The following PCDHA7 variants were observed in gnomAD, a reference collection of about 807,000 sequenced individuals.
PCDHA7 encodes protocadherin alpha-7.
In PCDHA7, 37 loss-of-function variants were observed where a neutral mutation model predicts 57.2. The observed-to-expected ratio is 0.65, with a 90% CI of 0.50 to 0.85. The LOEUF (loss-of-function observed/expected upper bound fraction) is 0.85, where lower values mean the gene tolerates loss of function less well. Among genes scored for constraint, PCDHA7 ranks in the 40% least tolerant of loss-of-function variants. PCDHA7 has a pLI of 0.00. For synonymous variants in PCDHA7, 553 were observed against 558.8 expected (o/e 0.99, Z 0.15); for missense variants, 1,188 against 1,241.8 (o/e 0.96, Z 0.65).
intron 1 of PCDHA7, chr5:140,884,171 C>T (rs781800470): frequency 6.2e-7 from 1 of 1,613,414 alleles, no homozygotes; most frequent in Admixed American, 1.7e-5. Context: ...CAGCACGACG[C>T]GCCCTCTGGA....
chr5:140,985,930 G>A (rs577670490), intron 3 of PCDHA7, among the ~76,000 whole-genome samples: 1 of 151,914 alleles, frequency 6.6e-6, no homozygotes, highest in East Asian at 1.9e-4. Flanking sequence ...TAGTAGAGCC[G>A]GGGTTTCACT....
At chr5:140,938,469 T>C (rs1172900934) in intron 1 of PCDHA7, among the ~76,000 whole-genome samples, 1 of 152,218 alleles carries the variant, frequency 6.6e-6, no homozygotes, top group South Asian at 2.1e-4. Flanking sequence ...TAATTTATTA[T>C]GTTTTTTAAA....
In PCDHA7 at chr5:140,836,758, G is replaced by A. The variant is rs2150269396; in HGVS notation, c.2355+20G>A. The stretch of plus-strand genomic sequence containing the variant: ...GACAATGTGAGTCATAAATAATCTT[G>A]TTTCCAACAATTTTAAAACAATTAG... On this transcript the variant is annotated intron_variant, in intron 1 of 3. Transcript: ENST00000525929. The A allele has an allele frequency of 1.9e-6, 3 of 1,572,392 alleles. No individual in the cohort carries two copies. Among genetic ancestry groups the A allele is most frequent in the African/African-American group, 2.7e-5 (2 of 73,010 alleles).
intron 1 of PCDHA7, chr5:140,928,696 C>G: frequency 6.2e-7 from 1 of 1,614,146 alleles, no homozygotes. Flanking sequence ...CCACATCTCC[C>G]GGGCGTCTGA....
At chr5:140,875,457 G>T in intron 1 of PCDHA7, 3 of 1,595,968 alleles carry the variant, frequency 1.9e-6, no homozygotes, top group Non-Finnish European at 2.6e-6. Flanking sequence ...CAACTCAGAG[G>T]CCCTCATTTT....
chr5:140,937,343 A>G (rs1412775724), intron 1 of PCDHA7, among the ~76,000 whole-genome samples: 1 of 151,948 alleles, frequency 6.6e-6, no homozygotes, highest in Non-Finnish European at 1.5e-5. Context: ...GGCTTCTTCC[A>G]TTTATTTTAT....
chr5:140,917,585 T>C (rs1204000344), intron 1 of PCDHA7, among the ~76,000 whole-genome samples: 1 of 152,244 alleles, frequency 6.6e-6, no homozygotes, highest in Non-Finnish European at 1.5e-5. Context: ...TTTTTGTTCA[T>C]GCTGAAAGGA....
In PCDHA7 at chr5:140,985,515, T is replaced by G. The variant is rs529024123; in HGVS notation, c.2503+2952T>G. The stretch of plus-strand genomic sequence containing the variant: ...AGAGCCTGCCTTTCATTGATTCTGT[T>G]GCCCTTAAAGCTTCACGGTGAAGAT... On this transcript the variant is annotated intron_variant, in intron 3 of 3. Transcript: ENST00000525929. Among the ~76,000 whole-genome samples, 8 of 152,284 alleles carry G rather than the reference T, an allele frequency of 5.3e-5. No individual in the cohort carries two copies. In the South Asian group the frequency reaches 1.7e-3, roughly 32 times the overall value.
At chr5:140,969,260 C>G (rs782595245) in intron 1 of PCDHA7, 1 of 1,614,228 alleles carries the variant, frequency 6.2e-7, no homozygotes, top group South Asian at 1.1e-5. Context: ...CAGCAGGAAT[C>G]TCACAGGCCA....
In PCDHA7 at chr5:140,834,827, T is replaced by C. The variant is rs1773317793; in HGVS notation, c.444T>C (p.Leu148=). The C allele has an allele frequency of 6.2e-7, 1 of 1,611,982 alleles. No homozygotes were observed. The highest frequency in any genetic ancestry group is 1.3e-5 in the African/African-American group (1 of 74,280). Residue 148 remains leucine, a synonymous_variant, in exon 1 of 4, where the codon CTT becomes CTC. Coordinates refer to ENST00000525929, the MANE Select transcript of PCDHA7 (RefSeq NM_018910.3). ...TGTTCATCGCGGAATCCAGGCCGCT[T>C]GACTCTCGGTTTCCACTAGAGGGCG... ...RNLFIAESRP[L]DSRFPLEGAS... is the part of the protein sequence containing the mutation.
chr5:140,850,815 C>A (rs2041835353), intron 1 of PCDHA7: 1 of 1,598,236 alleles, frequency 6.3e-7, no homozygotes, highest in East Asian at 2.2e-5. Flanking sequence ...GGCCTTCAGC[C>A]CGGGCCTTTC....
intron 1 of PCDHA7, among the ~76,000 whole-genome samples, chr5:140,926,017 G>C (rs1222079500): frequency 2.0e-5 from 3 of 152,050 alleles, no homozygotes; most frequent in African/African-American, 7.2e-5. Context: ...GCCAGAGTCC[G>C]GAGGCAGTTT....
In PCDHA7 at chr5:141,011,200, A is replaced by C. The variant is rs1242625146; in HGVS notation, c.*1263A>C. 6.5e-6 allele frequency: 1 copy of C among 153,774 alleles called. No individual in the cohort carries two copies. Among genetic ancestry groups the C allele is most frequent in the Non-Finnish European group, 1.5e-5 (1 of 68,036 alleles). The allele number at this position is 153,774 out of a possible 1,614,324, so 9.5% of individuals were successfully genotyped here. ...AATTGAAGAAAAATATTGTTTTCTCATACAGTGAGCAGATTTTTCAATCTA... is the reference window on the plus strand; with the variant it reads ...AATTGAAGAAAAATATTGTTTTCTCCTACAGTGAGCAGATTTTTCAATCTA... On this transcript the variant is annotated 3_prime_UTR_variant, in exon 4 of 4. Transcript: ENST00000525929.
At chr5:140,906,124 G>A (rs1399975318) in intron 1 of PCDHA7, among the ~76,000 whole-genome samples, 2 of 151,992 alleles carry the variant, frequency 1.3e-5, no homozygotes, top group Non-Finnish European at 2.9e-5. Flanking sequence ...TGACACAAAT[G>A]TTAGTCTCCT....
chr5:140,871,419 C>A (rs1554165566), intron 1 of PCDHA7: 1 of 1,613,732 alleles, frequency 6.2e-7, no homozygotes. Flanking sequence ...TGGCCTTCAG[C>A]CCCAGTCTTC....
At chr5:140,968,992 T>C in intron 1 of PCDHA7, 1 of 1,614,220 alleles carries the variant, frequency 6.2e-7, no homozygotes, top group Non-Finnish European at 8.5e-7. Flanking sequence ...CTGCATGCTG[T>C]GGAGGCTTCT....
At chr5:140,961,652 G>A (rs2095627629) in intron 1 of PCDHA7, among the ~76,000 whole-genome samples, 1 of 152,212 alleles carries the variant, frequency 6.6e-6, no homozygotes, top group Non-Finnish European at 1.5e-5. Context: ...TATGTGGTTA[G>A]TTTGAAGTTA....
intron 1 of PCDHA7, chr5:140,857,587 C>T: frequency 1.3e-6 from 2 of 1,596,526 alleles, no homozygotes; most frequent in South Asian, 2.2e-5. Context: ...ACGCGGAGAG[C>T]GGCAAGGTGT....
At chr5:140,845,035 G>A (rs1427311138) in intron 1 of PCDHA7, among the ~76,000 whole-genome samples, 3 of 149,148 alleles carry the variant, frequency 2.0e-5, no homozygotes, top group Middle Eastern at 3.4e-3. Context: ...GCATATTTTA[G>A]CCCCCTTGTC....
Sources: allele counts gnomAD v4.1 joint callset (sites outside exome capture counted in the v4.1 genomes callset), GRCh38; gene constraint gnomAD v4.1.1; transcripts MANE v1.5; gene names NCBI Gene and HGNC (gene_info 2026-07-23, HGNC 2026-07-21).